The following FN1 variants were observed in gnomAD, a reference collection of about 807,000 sequenced individuals.
FN1 encodes fibronectin 1.
In FN1, 106 loss-of-function variants were observed where a neutral mutation model predicts 297.3. That is an observed-to-expected ratio of 0.36 (90% CI 0.30 to 0.42). The LOEUF (loss-of-function observed/expected upper bound fraction) is 0.42. Among genes scored for constraint, FN1 ranks in the 10% least tolerant of loss-of-function variants. FN1 has a pLI of 1.00. For missense variants in FN1, 2,690 were observed against 3,124.9 expected, an observed-to-expected ratio of 0.86 and a Z score of 3.32; for synonymous variants, 1,149 against 1,152.6, an observed-to-expected ratio of 1.00 and a Z score of 0.06.
intron 6 of FN1, 65 bp from the exon 7 acceptor site, chr2:215,425,350 G>T: frequency 6.7e-7 from 1 of 1,485,782 alleles, no homozygotes; most frequent in Non-Finnish European, 9.4e-7. Context: ...ACTTTCTGCA[G>T]TCAGGATCTT....
rs1265373698 is a variant in FN1, at chr2:215,376,688, TA to T, written c.5711-15del. 1 of 1,612,598 alleles carries T rather than the reference TA, an allele frequency of 6.2e-7. No individual in the cohort carries two copies. Among genetic ancestry groups the T allele is most frequent in the Non-Finnish European group, 8.5e-7 (1 of 1,179,580 alleles). ...GTGGGCTGACATCTGCACAGGAGCATAGCTAGAGATTAGTGCCTGCTTGGCT... is the reference window on the plus strand; with the variant it reads ...GTGGGCTGACATCTGCACAGGAGCATGCTAGAGATTAGTGCCTGCTTGGCT... On this transcript the variant is annotated splice_polypyrimidine_tract_variant and intron_variant, in intron 35 of 45. Transcript: ENST00000354785.
intron 19 of FN1, 44 bp downstream of exon 19, chr2:215,406,194 G>A: frequency 6.3e-7 from 1 of 1,597,722 alleles, no homozygotes; most frequent in Non-Finnish European, 8.6e-7. Context: ...CTGCAAGTGA[G>A]GGTGGAGAAT....
At position 215,435,784 on chromosome 2, in the gene FN1, G is replaced by GCCCCGGA; in HGVS notation, c.12_18dup (p.Pro7SerfsTer50). On this transcript the variant is annotated frameshift_variant, in exon 1 of 46. Coordinates refer to ENST00000354785, the MANE Select transcript of FN1 (RefSeq NM_212482.4). LOFTEE classifies it high-confidence loss of function. ...TGGACGGCCAGCAGCAGCAGCCCGG[G>GCCCCGGA]CCCCGGACCCCTAAGCATGTTGAGA... The GCCCCGGA allele has an allele frequency of 6.4e-7, 1 of 1,568,948 alleles. No individual in the cohort carries two copies. Among genetic ancestry groups the GCCCCGGA allele is most frequent in the Non-Finnish European group, 8.6e-7 (1 of 1,159,788 alleles).
In FN1 at chr2:215,391,983, AT is replaced by A. The variant is rs2059761152; in HGVS notation, c.4070-170del. The stretch of plus-strand genomic sequence containing the variant: ...AAGTTATAGTGTACTACTGTTAAAA[AT>A]AAAACACTACACACAGTACTGTTAG... On this transcript the variant is annotated intron_variant, in intron 25 of 45. Coordinates refer to ENST00000354785, the MANE Select transcript of FN1 (RefSeq NM_212482.4). The A allele has an allele frequency of 4.8e-5, 32 of 660,388 alleles. No homozygotes were observed. In the South Asian group the frequency reaches 5.8e-4, roughly 12 times the overall value. 40.9% of individuals were successfully genotyped at this position (660,388 alleles called of 1,614,324 possible).
rs192943048 is a variant in FN1 at position 215,404,356 on chromosome 2, T to C, written c.3253+33A>G. 76 of 1,591,530 alleles carry C rather than the reference T, an allele frequency of 4.8e-5. No individual in the cohort carries two copies. In the East Asian group the frequency reaches 1.4e-3, roughly 29 times the overall value. On this transcript the variant is annotated intron_variant, in intron 20 of 45. Coordinates refer to ENST00000354785, the MANE Select transcript of FN1 (RefSeq NM_212482.4). ...GCATGAAGAATAGAGAATGTAAATA[T>C]AGTTAAGAAAAGGCACTTAATTTTC...
rs757517146 is a variant in FN1 at position 215,388,299 on chromosome 2, G to C, written c.4255C>G (p.Leu1419Val). Residue 1419 changes from leucine (L) to valine (V), a missense_variant and splice_region_variant, in exon 27 of 46, where the codon CTC becomes GTC. Physicochemically the swap from Leu to Val is conservative, Grantham distance 32. Around this residue, in one of 3 missense-constraint regions of FN1, gnomAD observed 1,743 missense variants for 1,945.2 expected, o/e 0.90. Coordinates refer to ENST00000354785, the MANE Select transcript of FN1 (RefSeq NM_212482.4). ...ACTACATATTCTGTACCAGGCAGGA[G>C]ATCTGTAGGGGCAAATGGGGCTTAT... ...PSDNAVVLTN[L>V]LPGTEYVVSV... 5.0e-6 allele frequency: 8 copies of C among 1,611,262 alleles called. No homozygotes were observed. The highest frequency in any genetic ancestry group is 5.1e-6 in the Non-Finnish European group (6 of 1,177,412).
At position 215,426,359 on chromosome 2, in the gene FN1, A is replaced by G. The variant is rs543523963; in HGVS notation, c.845-1074T>C. Among the ~76,000 whole-genome samples, 24 of 152,064 alleles carry G rather than the reference A, an allele frequency of 1.6e-4. No homozygotes were observed. The East Asian group carries it at 1.9e-3, about 12-fold the overall frequency. ...GAGACGGGGTTTCACCGTGTTAGCCAGGATGGTCTCGATCTCCTGACCTTG... is the reference window on the plus strand; with the variant it reads ...GAGACGGGGTTTCACCGTGTTAGCCGGGATGGTCTCGATCTCCTGACCTTG... On this transcript the variant is annotated intron_variant, in intron 6 of 45. Coordinates refer to ENST00000354785, the MANE Select transcript of FN1 (RefSeq NM_212482.4).
chr2:215,409,220 G>T (rs2062218107), intron 15 of FN1, among the ~76,000 whole-genome samples: 1 of 152,132 alleles, frequency 6.6e-6, no homozygotes, highest in African/African-American at 2.4e-5. Context: ...ATAACAATTT[G>T]AAAAGTATGA....
rs1347471315 is a variant in FN1, at chr2:215,367,984, G to C, written c.6897C>G (p.Asp2299Glu). 4 of 1,614,060 alleles carry C rather than the reference G, an allele frequency of 2.5e-6. No homozygotes were observed. Among genetic ancestry groups the C allele is most frequent in the Non-Finnish European group, 3.4e-6 (4 of 1,180,008 alleles). Residue 2299 changes from aspartate (D) to glutamate (E), a missense_variant, in exon 42 of 46, where the codon GAC (aspartate) becomes GAG (glutamate). This residue lies in a region of FN1 where 1,743 missense variants were observed against 1,945.2 expected (regional missense o/e 0.90). Transcript: ENST00000354785. ...LNQPTDDSCF[D>E]PYTVSHYAVG... The stretch of plus-strand genomic sequence containing the variant: ...CGGCATAATGGGAAACTGTGTAGGG[G>C]TCAAAGCACGAGTCATCCGTAGGTT...
chr2:215,427,867 C>A (rs529577865), intron 6 of FN1, among the ~76,000 whole-genome samples: 1 of 151,700 alleles, frequency 6.6e-6, no homozygotes, highest in African/African-American at 2.4e-5. Context: ...TGTGTGTGTG[C>A]GTGTGTGCGT....
At position 215,401,198 on chromosome 2, in the gene FN1, AAAAGAAAGAAAGAAAG is replaced by A. The variant is rs1168414564; in HGVS notation, c.3254-1863_3254-1848del. On this transcript the variant is annotated intron_variant, in intron 20 of 45. Coordinates refer to ENST00000354785, the MANE Select transcript of FN1 (RefSeq NM_212482.4). ...GAGAGAGAGTGAGAGAGAAAGAAAG[AAAAGAAAGAAAGAAAG>A]AAAGAAAGAAAGAAAGAAAGAAAGA... Among the ~76,000 whole-genome samples the A allele has an allele frequency of 5.2e-4, 45 of 86,822 alleles. 1 individual carries two copies. Among genetic ancestry groups the A allele is most frequent in the Non-Finnish European group, 8.3e-4 (37 of 44,726 alleles). 57.0% of individuals were successfully genotyped at this position (86,822 alleles called of 152,430 possible). A position where few individuals can be genotyped will look rare whatever the true frequency, so the allele number is the denominator to read the frequency against.
chr2:215,361,538 T>C lies in FN1; in HGVS notation c.*17A>G. ...TGGCAGAGAGACATGCTTGTTCCTC[T>C]GGATTGGAAAGATGATTTACTCTCG... On this transcript the variant is annotated 3_prime_UTR_variant, in exon 46 of 46. Coordinates refer to ENST00000354785, the MANE Select transcript of FN1 (RefSeq NM_212482.4). 6.4e-7 allele frequency: 1 copy of C among 1,568,018 alleles called. No homozygotes were observed. Among genetic ancestry groups the C allele is most frequent in the South Asian group, 1.1e-5 (1 of 90,106 alleles).
chr2:215,404,455 T>C lies in FN1; in HGVS notation c.3187A>G (p.Thr1063Ala), dbSNP rs752617883. 4.3e-5 allele frequency: 70 copies of C among 1,613,974 alleles called. No homozygotes were observed. In the East Asian group the frequency reaches 1.3e-3, roughly 31 times the overall value. Residue 1063 changes from threonine (T) to alanine (A), a missense_variant, in exon 20 of 46, where the codon ACC becomes GCC. Thr to Ala is a moderately conservative substitution (Grantham distance 58, BLOSUM62 0). Around this residue, in one of 3 missense-constraint regions of FN1, gnomAD observed 1,743 missense variants for 1,945.2 expected, o/e 0.90. Coordinates refer to ENST00000354785, the MANE Select transcript of FN1 (RefSeq NM_212482.4). ...LRNLQPASEY[T>A]VSLVAIKGNQ... ...CCCTTTATGGCCACGAGGGATACGG[T>C]GTACTCAGATGCAGGCTGCAGATTC... is the stretch of plus-strand genomic sequence containing the variant.
At position 215,394,574 on chromosome 2, in the gene FN1, G is replaced by C; in HGVS notation, c.3750C>G (p.Val1250=). ...GLEYNVSVYT[V]KDDKESVPIS... ...TAGGGACACTTTCCTTGTCATCCTT[G>C]ACAGTGTAAACACTGACATTGTACT... The change falls in exon 24 of 46, where the codon GTC becomes GTG. Residue 1250 remains valine (V), a synonymous_variant. Coordinates refer to ENST00000354785, the MANE Select transcript of FN1 (RefSeq NM_212482.4). 6.2e-7 allele frequency: 1 copy of C among 1,614,070 alleles called. No homozygotes were observed. The highest frequency in any genetic ancestry group is 8.5e-7 in the Non-Finnish European group (1 of 1,179,968).
intron 13 of FN1, among the ~76,000 whole-genome samples, chr2:215,414,376 A>G (rs2063126398): frequency 6.6e-6 from 1 of 152,222 alleles, no homozygotes; most frequent in South Asian, 2.1e-4. Flanking sequence ...GGTCAAAAGT[A>G]AAGTTTTAAA....
At chr2:215,371,118 AT>A (rs34087019) in intron 40 of FN1, among the ~76,000 whole-genome samples, 34,171 of 151,900 alleles carry the variant, frequency 0.22, 5,359 homozygotes, top group East Asian at 0.79. Context: ...AAATACAAAA[AT>A]TAGCTGGGTG....
Position 215,422,216 on chromosome 2 carries a change from T to C in FN1, c.1421A>G (p.Glu474Gly). 6.2e-7 allele frequency: 1 copy of C among 1,614,080 alleles called. No individual in the cohort carries two copies. The highest frequency in any genetic ancestry group is 8.5e-7 in the Non-Finnish European group (1 of 1,179,950). ...ATCTCCAATGCGGTACATGACCCCT[T>C]CATTGGTTGTGCAGATTTCCTCGTG... ...AAHEEICTTN[E>G]GVMYRIGDQW... The change falls in exon 10 of 46, where the codon GAA (glutamate) becomes GGA (glycine). Residue 474 changes from glutamate (E) to glycine (G), a missense_variant. Physicochemically the swap from Glu to Gly is moderately conservative, Grantham distance 98. Coordinates refer to ENST00000354785, the MANE Select transcript of FN1 (RefSeq NM_212482.4).
chr2:215,368,899 A>C (rs1358519412), intron 41 of FN1, among the ~76,000 whole-genome samples: 1 of 152,224 alleles, frequency 6.6e-6, no homozygotes, highest in Admixed American at 6.5e-5. Context: ...AAATTAGATA[A>C]ACTAATTTGA....
intron 38 of FN1, among the ~76,000 whole-genome samples, chr2:215,373,835 C>T (rs1400116270): frequency 4.6e-5 from 7 of 151,962 alleles, no homozygotes; most frequent in South Asian, 2.1e-4. Context: ...CCCATCACCA[C>T]GCCTGGCTAA....
Sources: gnomAD v4.1 joint callset for allele counts (sites outside exome capture counted in the v4.1 genomes callset) on GRCh38, gnomAD v4.1.1 for gene constraint, gnomAD v4.1.1 regional missense constraint, MANE v1.5 for transcripts, NCBI Gene and HGNC (gene_info 2026-07-23, HGNC 2026-07-21) for gene names.